Variants in LOXL2 observed in about 807,000 individuals in gnomAD.
The protein encoded by LOXL2 is lysyl oxidase homolog 2.
LOXL2 carries 70 observed loss-of-function variants against 93.0 expected under a neutral mutation model. The observed-to-expected ratio is 0.75, with a 90% CI of 0.62 to 0.92. The LOEUF (loss-of-function observed/expected upper bound fraction) is 0.92. LOXL2 is among the 40% of genes least tolerant of loss of function. LOXL2 has a pLI of 0.00. For missense variants in LOXL2, 973 were observed against 1,054.9 expected (o/e 0.92, Z 1.08); for synonymous variants, 438 against 413.2 (o/e 1.06, Z -0.73).
intron 3 of LOXL2, among the ~76,000 whole-genome samples, chr8:23,346,332 A>C (rs67974556): frequency 0.41 from 61,688 of 151,776 alleles, 13,401 homozygotes; most frequent in African/African-American, 0.57. Context: ...TGCACCCAGG[A>C]CTCCAGAAAG....
At chr8:23,368,582 G>T (rs1456452391) in intron 1 of LOXL2, 148 bp from the exon 2 acceptor site, 1 of 580,282 alleles carries the variant, frequency 1.7e-6, no homozygotes, top group Non-Finnish European at 3.1e-6. Flanking sequence ...TTTCCACCAT[G>T]CAGGGCTGGG....
chr8:23,322,176 T>A lies in LOXL2; in HGVS notation c.1256A>T (p.Asp419Val). Residue 419 changes from aspartate (D) to valine (V), a missense_variant, in exon 7 of 14, where the codon GAT (aspartate) becomes GTT (valine). Physicochemically the swap from Asp to Val is radical, Grantham distance 152. Transcript: ENST00000389131. ...AGGGGTGTTGCATCTCACACCAGCA[T>A]CCTCCTCGTGGTTGCAGCCCTGAGA... ...AESQGCNHEEDAGVRCNTPAM... is the reference protein window; with the variant it reads ...AESQGCNHEEVAGVRCNTPAM... 1 of 1,614,182 alleles carries A rather than the reference T, an allele frequency of 6.2e-7. No individual in the cohort carries two copies.
At chr8:23,343,273 T>TC (rs1236750598) in intron 3 of LOXL2, among the ~76,000 whole-genome samples, 1 of 152,214 alleles carries the variant, frequency 6.6e-6, no homozygotes, top group East Asian at 1.9e-4. Flanking sequence ...CAGCCCTATG[T>TC]CAAGTGTCTT....
intron 9 of LOXL2, among the ~76,000 whole-genome samples, chr8:23,313,188 G>A (rs944948601): frequency 1.3e-5 from 2 of 152,136 alleles, no homozygotes; most frequent in Admixed American, 1.3e-4. Flanking sequence ...TCATGGATAG[G>A]AAGAATCAGT....
At chr8:23,320,243 A>C (rs1250710616) in intron 7 of LOXL2, among the ~76,000 whole-genome samples, 191 bp from the exon 8 acceptor site, 5 of 152,020 alleles carry the variant, frequency 3.3e-5, no homozygotes, top group Non-Finnish European at 5.9e-5. Flanking sequence ...TGAGGTCCCC[A>C]CCCCAGGCAC....
chr8:23,395,002 T>G (rs955880793), intron 1 of LOXL2, among the ~76,000 whole-genome samples: 3 of 152,174 alleles, frequency 2.0e-5, no homozygotes, highest in African/African-American at 7.2e-5. Context: ...CCGCCTGTAA[T>G]CCCAGCACTT....
chr8:23,318,449 AC>A (rs1803439671), intron 8 of LOXL2, among the ~76,000 whole-genome samples: 3 of 146,632 alleles, frequency 2.0e-5, no homozygotes, highest in African/African-American at 5.4e-5. Flanking sequence ...ACACACACAC[AC>A]ACACACACAC....
intron 1 of LOXL2, chr8:23,402,804 G>T (rs1329981301): frequency 6.6e-6 from 1 of 151,576 alleles, no homozygotes; most frequent in South Asian, 2.1e-4. Flanking sequence ...TATTGTTTTT[G>T]AGATCTCTGC....
chr8:23,344,178 C>G (rs1803930800), intron 3 of LOXL2, among the ~76,000 whole-genome samples: 1 of 152,242 alleles, frequency 6.6e-6, no homozygotes, highest in Admixed American at 6.5e-5. Flanking sequence ...GGAGCTTGCT[C>G]TCGTTCCTGC....
chr8:23,302,114 G>A lies in LOXL2; in HGVS notation c.2046C>T (p.Thr682=), dbSNP rs1371694017. 6.2e-7 allele frequency: 1 copy of A among 1,614,166 alleles called. No individual in the cohort carries two copies. Among genetic ancestry groups the A allele is most frequent in the Admixed American group, 1.7e-5 (1 of 60,030 alleles). Residue 682 remains threonine (T), a synonymous_variant, in exon 12 of 14, where the codon ACC becomes ACT. Coordinates refer to ENST00000389131, the MANE Select transcript of LOXL2 (RefSeq NM_002318.3). The part of the protein sequence containing the change: ...ECANFGDQGI[T]MGCWDMYRHD... ...GGCGGTACATGTCCCAGCAGCCCATGGTGATGCCCTGATCGCCGAAGTTGG... is the reference window on the plus strand; with the variant it reads ...GGCGGTACATGTCCCAGCAGCCCATAGTGATGCCCTGATCGCCGAAGTTGG...
intron 1 of LOXL2, among the ~76,000 whole-genome samples, chr8:23,379,547 A>G (rs180838790): frequency 0.04 from 6,094 of 152,264 alleles, 387 homozygotes; most frequent in African/African-American, 0.14. Flanking sequence ...GAGTCTACAG[A>G]GGCAGGCAGG....
intron 1 of LOXL2, among the ~76,000 whole-genome samples, chr8:23,376,094 T>G (rs957353399): frequency 1.3e-5 from 2 of 151,628 alleles, no homozygotes; most frequent in African/African-American, 4.9e-5. Flanking sequence ...ATAGCTCTTA[T>G]TATTTTAAGA....
At position 23,310,160 on chromosome 8, in the gene LOXL2, G is replaced by A. The variant is rs536640484; in HGVS notation, c.1637-249C>T. 7.9e-5 allele frequency among the ~76,000 whole-genome samples: 12 copies of A among 152,318 alleles called. No homozygotes were observed. In the South Asian group the frequency reaches 2.5e-3, roughly 32 times the overall value. ...CGAGATGTTAAAATCTCACACACCT[G>A]GTCCTAGGCTACGAGCGAAGCACAG... is the stretch of plus-strand genomic sequence containing the variant. On this transcript the variant is annotated intron_variant, in intron 9 of 13. Transcript: ENST00000389131.
At chr8:23,383,058 C>T (rs751346194) in intron 1 of LOXL2, among the ~76,000 whole-genome samples, 14 of 152,132 alleles carry the variant, frequency 9.2e-5, no homozygotes, top group Non-Finnish European at 1.6e-4. Context: ...CTCTCCGTAG[C>T]GGTTTTAAAC....
intron 2 of LOXL2, chr8:23,365,558 G>GGTTT (rs2117210747): frequency 1.3e-5 from 2 of 149,602 alleles, no homozygotes; most frequent in South Asian, 4.2e-4. Flanking sequence ...TCCTCTCTTT[G>GGTTT]ATGTTATTCC....
chr8:23,348,884 A>AAC (rs554654931), intron 3 of LOXL2, among the ~76,000 whole-genome samples: 64 of 151,860 alleles, frequency 4.2e-4, no homozygotes, highest in African/African-American at 1.5e-3. Context: ...CTCAAAAAAA[A>AAC]CAAAACAAAC....
chr8:23,378,858 T>C (rs1804631425), intron 1 of LOXL2, among the ~76,000 whole-genome samples: 1 of 152,140 alleles, frequency 6.6e-6, no homozygotes, highest in African/African-American at 2.4e-5. Flanking sequence ...TTTTTCAAGG[T>C]TTTTAGCTTA....
intron 5 of LOXL2, 90 bp from the exon 6 acceptor site, chr8:23,328,655 C>A (rs773571183): frequency 3.1e-6 from 4 of 1,288,514 alleles, no homozygotes; most frequent in Non-Finnish European, 4.4e-6. Context: ...CCCTGCCACC[C>A]TGTTCCCAGG....
intron 1 of LOXL2, among the ~76,000 whole-genome samples, chr8:23,399,495 T>C (rs1041137978): frequency 2.6e-5 from 4 of 152,116 alleles, no homozygotes; most frequent in African/African-American, 7.2e-5. Flanking sequence ...GGAAGGGAAT[T>C]GGTGGCTTTA....
Sources: allele counts gnomAD v4.1 joint callset (sites outside exome capture counted in the v4.1 genomes callset), GRCh38; gene constraint gnomAD v4.1.1; transcripts MANE v1.5; gene names NCBI Gene and HGNC (gene_info 2026-07-23, HGNC 2026-07-21).